PCCB: variants seen among roughly 807,000 people sequenced by gnomAD.
The protein encoded by PCCB is propionyl-CoA carboxylase beta chain, mitochondrial.
Under a neutral mutation model 60.7 loss-of-function variants are expected in PCCB, and 43 were observed. The ratio of observed to expected loss-of-function variants is 0.71; its 90% confidence interval spans 0.55 to 0.91. The LOEUF (loss-of-function observed/expected upper bound fraction) is 0.91, where lower values mean the gene tolerates loss of function less well. PCCB is among the 40% of genes least tolerant of loss of function. PCCB has a pLI of 0.00. For synonymous variants in PCCB, 276 were observed against 255.9 expected, an observed-to-expected ratio of 1.08 and a Z score of -0.75; for missense variants, 766 against 702.8, an observed-to-expected ratio of 1.09 and a Z score of -1.02.
intron 1 of PCCB, among the ~76,000 whole-genome samples, chr3:136,252,599 C>T (rs1941547977): frequency 6.6e-6 from 1 of 150,870 alleles, no homozygotes; most frequent in Non-Finnish European, 1.5e-5. Flanking sequence ...GTAATCATGG[C>T]TCACTGCATC....
intron 5 of PCCB, among the ~76,000 whole-genome samples, chr3:136,282,370 G>T (rs112506975): frequency 6.6e-6 from 1 of 152,156 alleles, no homozygotes; most frequent in African/African-American, 2.4e-5. Flanking sequence ...GGAGCTTCCT[G>T]TTCTCTCTTC....
chr3:136,254,528 T>C (rs1941612324), intron 1 of PCCB, among the ~76,000 whole-genome samples: 1 of 133,618 alleles, frequency 7.5e-6, no homozygotes, highest in African/African-American at 2.9e-5. Flanking sequence ...CTTTTTTTTT[T>C]TTTTTTTTTT....
chr3:136,327,589 C>G, intron 12 of PCCB, 45 bp from the exon 13 acceptor site: 1 of 1,420,082 alleles, frequency 7.0e-7, no homozygotes, highest in Non-Finnish European at 1.0e-6. Flanking sequence ...GGGACATGAT[C>G]TGGCTGTCTC....
At position 136,327,741 on chromosome 3, in the gene PCCB, C is replaced by T. The variant is rs2108239140; in HGVS notation, c.1398+9C>T. 1.9e-6 allele frequency: 3 copies of T among 1,605,558 alleles called. No individual in the cohort carries two copies. The highest frequency in any genetic ancestry group is 2.6e-6 in the Non-Finnish European group (3 of 1,172,744). ...CAGTCATGGGAGCAAAGGTGAGGGC[C>T]TCTTGCTTTTCCCTTTCTGGGTCCA... is the stretch of plus-strand genomic sequence containing the variant. On this transcript the variant is annotated intron_variant, in intron 13 of 14. Coordinates refer to ENST00000251654, the MANE Select transcript of PCCB (RefSeq NM_000532.5).
At chr3:136,287,083 A>C (rs1933450282) in intron 6 of PCCB, among the ~76,000 whole-genome samples, 1 of 151,798 alleles carries the variant, frequency 6.6e-6, no homozygotes, top group South Asian at 2.1e-4. Flanking sequence ...ATAGCTCTTC[A>C]AGAGCCCTGT....
At chr3:136,259,601 T>G (rs561307134) in intron 3 of PCCB, among the ~76,000 whole-genome samples, 80 of 152,344 alleles carry the variant, frequency 5.3e-4, no homozygotes, top group African/African-American at 1.8e-3. Flanking sequence ...ATTTCTTTTT[T>G]TTCCTTTCAA....
chr3:136,305,995 A>G (rs915339673), intron 9 of PCCB, among the ~76,000 whole-genome samples: 3 of 122,046 alleles, frequency 2.5e-5, no homozygotes, highest in African/African-American at 7.5e-5. Flanking sequence ...AGGACACTAC[A>G]TCTTTCCCCA....
chr3:136,252,902 T>C (rs931680709), intron 1 of PCCB, among the ~76,000 whole-genome samples: 1 of 82,766 alleles, frequency 1.2e-5, no homozygotes, highest in African/African-American at 4.1e-5. Flanking sequence ...GCCTGTTTTT[T>C]GTTTTGTTTT....
chr3:136,299,192 A>T (rs1209396012), intron 8 of PCCB, among the ~76,000 whole-genome samples: 2 of 150,634 alleles, frequency 1.3e-5, no homozygotes, highest in Admixed American at 1.3e-4. Context: ...AGGGAGATAT[A>T]TATCCATATA....
At chr3:136,255,088 C>T (rs1310061112) in intron 1 of PCCB, among the ~76,000 whole-genome samples, 1 of 151,908 alleles carries the variant, frequency 6.6e-6, no homozygotes, top group African/African-American at 2.4e-5. Context: ...GTTGGTCAGG[C>T]TGGTCTCGAT....
At chr3:136,299,909 C>T (rs919409075) in intron 8 of PCCB, among the ~76,000 whole-genome samples, 4 of 151,018 alleles carry the variant, frequency 2.6e-5, no homozygotes, top group East Asian at 2.0e-4. Context: ...CATATGTATG[C>T]ATGTATATGT....
chr3:136,301,390 A>G (rs948990032), intron 9 of PCCB, among the ~76,000 whole-genome samples: 1 of 152,136 alleles, frequency 6.6e-6, no homozygotes, highest in African/African-American at 2.4e-5. Context: ...TCTGAGGATC[A>G]TAAATTAGGG....
intron 10 of PCCB, among the ~76,000 whole-genome samples, chr3:136,318,816 C>T (rs943004113): frequency 6.6e-6 from 1 of 152,116 alleles, no homozygotes. Flanking sequence ...GTCCATTTGT[C>T]AGTGGACACC....
rs749509618 is a variant in PCCB at position 136,328,834 on chromosome 3, AC to A, written c.1478del (p.Pro493LeufsTer58). The A allele has an allele frequency of 1.2e-6, 2 of 1,613,966 alleles. No individual in the cohort carries two copies. Among genetic ancestry groups the A allele is most frequent in the African/African-American group, 2.7e-5 (2 of 74,950 alleles). ...GCAGAGTACATCGAGAAGTTTGCCA[AC>A]CCTTTCCCTGCAGCAGTGCGAGGTA... ...AQAEYIEKFA[N>X]PFPAAVRGFV... On this transcript the variant is annotated frameshift_variant, in exon 14 of 15. Coordinates refer to ENST00000251654, the MANE Select transcript of PCCB (RefSeq NM_000532.5). LOFTEE classifies it high-confidence loss of function.
At chr3:136,323,175 AG>A (rs1935169548) in intron 10 of PCCB, among the ~76,000 whole-genome samples, 1 of 152,112 alleles carries the variant, frequency 6.6e-6, no homozygotes, top group African/African-American at 2.4e-5. Context: ...TTATTTCATC[AG>A]ATTATCTCCT....
chr3:136,322,131 A>C (rs1310030012), intron 10 of PCCB, among the ~76,000 whole-genome samples: 1 of 152,168 alleles, frequency 6.6e-6, no homozygotes, highest in Non-Finnish European at 1.5e-5. Flanking sequence ...AAGTTGAAGA[A>C]ATTCCCCTCT....
intron 3 of PCCB, among the ~76,000 whole-genome samples, chr3:136,257,783 A>G (rs896362553): frequency 1.1e-4 from 16 of 152,176 alleles, no homozygotes; most frequent in African/African-American, 3.9e-4. Context: ...TAAAAACACA[A>G]AAATTAGCTG....
At chr3:136,273,578 C>CTTTTTTCTTT (rs1942254860) in intron 5 of PCCB, among the ~76,000 whole-genome samples, 2 of 59,204 alleles carry the variant, frequency 3.4e-5, no homozygotes, top group Admixed American at 3.4e-4. Flanking sequence ...CTTTTTCTTT[C>CTTTTTTCTTT]TTTTTTTTTT....
At chr3:136,288,721 C>T (rs1472565223) in intron 6 of PCCB, among the ~76,000 whole-genome samples, 4 of 152,084 alleles carry the variant, frequency 2.6e-5, no homozygotes, top group Non-Finnish European at 2.9e-5. Context: ...CTTACCACAG[C>T]CTCGACCTGC....
Sources: allele counts gnomAD v4.1 joint callset (sites outside exome capture counted in the v4.1 genomes callset), GRCh38; gene constraint gnomAD v4.1.1; transcripts MANE v1.5; gene names NCBI Gene and HGNC (gene_info 2026-07-23, HGNC 2026-07-21).